The following LINGO2 variants were observed in gnomAD, a reference collection of about 807,000 sequenced individuals.
LINGO2 encodes leucine rich repeat and Ig domain containing 2.
Under a neutral mutation model 30.6 loss-of-function variants are expected in LINGO2, and 14 were observed. The ratio of observed to expected loss-of-function variants is 0.46; its 90% confidence interval spans 0.30 to 0.72. The LOEUF (loss-of-function observed/expected upper bound fraction) is 0.72, where lower values mean the gene tolerates loss of function less well. LINGO2 is among the 30% of genes least tolerant of loss of function. The pLI, the probability that LINGO2 is intolerant of heterozygous loss-of-function variation, is 0.07. For missense variants in LINGO2, 729 were observed against 751.7 expected, an observed-to-expected ratio of 0.97 and a Z score of 0.35; for synonymous variants, 317 against 288.5, an observed-to-expected ratio of 1.10 and a Z score of -1.00.
intron 1 of LINGO2, among the ~76,000 whole-genome samples, chr9:28,548,719 AAAAAAAAAAAAT>A (rs1822093534): frequency 6.6e-6 from 1 of 150,612 alleles, no homozygotes; most frequent in Admixed American, 6.6e-5. Context: ...AAAAAAAAAA[AAAAAAAAAAAAT>A]ATTTGATTCT....
the LINGO2 span, among the ~76,000 whole-genome samples, chr9:29,111,079 C>A: frequency 6.6e-6 from 1 of 152,230 alleles, no homozygotes; most frequent in East Asian, 1.9e-4. Context: ...AAAAGGGGTC[C>A]TATTTAAAGG....
At chr9:29,190,720 A>T in the LINGO2 span, among the ~76,000 whole-genome samples, 1 of 152,188 alleles carries the variant, frequency 6.6e-6, no homozygotes, top group South Asian at 2.1e-4. Flanking sequence ...TTATTTAAAA[A>T]ATTATATTTG....
chr9:28,094,468 T>C (rs1826185742), intron 4 of LINGO2, among the ~76,000 whole-genome samples: 1 of 151,854 alleles, frequency 6.6e-6, no homozygotes, highest in Non-Finnish European at 1.5e-5. Context: ...AAAAATCTGT[T>C]GAGCTGTATT....
At chr9:27,972,020 T>G (rs879366283) in intron 5 of LINGO2, among the ~76,000 whole-genome samples, 4 of 152,204 alleles carry the variant, frequency 2.6e-5, no homozygotes, top group African/African-American at 4.8e-5. Flanking sequence ...TTTGTTTATA[T>G]TTTTCTTCTT....
At chr9:28,978,151 G>A in the LINGO2 span, among the ~76,000 whole-genome samples, 1 of 152,078 alleles carries the variant, frequency 6.6e-6, no homozygotes, top group Non-Finnish European at 1.5e-5. Flanking sequence ...TCTCTTTGGG[G>A]AATTGGAAAT....
chr9:27,939,873 G>A, the LINGO2 span: 1 of 152,134 alleles, frequency 6.6e-6, no homozygotes, highest in Non-Finnish European at 1.5e-5. Flanking sequence ...GCCTTAGATG[G>A]GGATCTGGTA....
the LINGO2 span, among the ~76,000 whole-genome samples, chr9:28,806,056 G>A: frequency 6.6e-6 from 1 of 151,034 alleles, no homozygotes; most frequent in South Asian, 2.1e-4. Context: ...CTTTTGGAAT[G>A]ATGAGATTTT....
At chr9:27,993,159 T>C (rs1821482727) in intron 5 of LINGO2, among the ~76,000 whole-genome samples, 1 of 152,130 alleles carries the variant, frequency 6.6e-6, no homozygotes, top group Non-Finnish European at 1.5e-5. Context: ...AGCATTCAAA[T>C]TGCAGTTGAA....
In LINGO2 at chr9:28,329,662, T is replaced by A. The variant is rs1825351875; in HGVS notation, c.-245-34296A>T. On this transcript the variant is annotated intron_variant, in intron 3 of 5. Transcript: ENST00000379992. The surrounding 1 kb of genome is among the most constrained non-coding windows in gnomAD (Gnocchi z 4.5). ...AATAGTTTCCTTCCCACTCTCCCCT[T>A]CTTTCACTCATTTACCACTGCAACT... Among the ~76,000 whole-genome samples the A allele has an allele frequency of 6.6e-6, 1 of 152,066 alleles. No homozygotes were observed. The highest frequency in any genetic ancestry group is 2.4e-5 in the African/African-American group (1 of 41,430).
At chr9:28,632,752 C>CTA (rs1450820099) in intron 1 of LINGO2, among the ~76,000 whole-genome samples, 22 of 106,924 alleles carry the variant, frequency 2.1e-4, no homozygotes, top group Admixed American at 1.2e-3. Context: ...ATATATAGAT[C>CTA]TATATATATA....
intron 1 of LINGO2, among the ~76,000 whole-genome samples, chr9:28,595,976 T>C (rs1266857560): frequency 6.6e-6 from 1 of 152,194 alleles, no homozygotes; most frequent in Non-Finnish European, 1.5e-5. Flanking sequence ...TGTATCTTTT[T>C]GTGTATCATT....
At chr9:28,268,559 A>G (rs1049341981) in intron 4 of LINGO2, among the ~76,000 whole-genome samples, 2 of 152,148 alleles carry the variant, frequency 1.3e-5, no homozygotes, top group African/African-American at 2.4e-5. Context: ...AGTCCATTTG[A>G]GTATAAGACA....
At chr9:28,188,450 G>A (rs1350249684) in intron 4 of LINGO2, among the ~76,000 whole-genome samples, 1 of 151,928 alleles carries the variant, frequency 6.6e-6, no homozygotes, top group Non-Finnish European at 1.5e-5. Flanking sequence ...CCACCTGCAC[G>A]GCAATTACAA....
At chr9:28,453,340 A>C (rs1824722237) in intron 2 of LINGO2, among the ~76,000 whole-genome samples, 1 of 151,900 alleles carries the variant, frequency 6.6e-6, no homozygotes, top group Non-Finnish European at 1.5e-5. Flanking sequence ...ATGCTCGGTT[A>C]ATTTTTTTGG....
intron 4 of LINGO2, among the ~76,000 whole-genome samples, chr9:28,230,020 A>T (rs1821302764): frequency 6.6e-6 from 1 of 151,872 alleles, no homozygotes. Flanking sequence ...CTTCTCAGTT[A>T]TCTTTATTTT....
chr9:28,437,604 CAT>C (rs1824005881), intron 2 of LINGO2, among the ~76,000 whole-genome samples: 1 of 151,598 alleles, frequency 6.6e-6, no homozygotes, highest in Non-Finnish European at 1.5e-5. Context: ...CACACACACA[CAT>C]ACAGATCACT....
At chr9:28,304,588 T>C (rs1226693363) in intron 3 of LINGO2, among the ~76,000 whole-genome samples, 3 of 152,026 alleles carry the variant, frequency 2.0e-5, no homozygotes, top group Non-Finnish European at 4.4e-5. Context: ...ATTCTGGTTT[T>C]AAAAGATTTG....
intron 1 of LINGO2, among the ~76,000 whole-genome samples, chr9:28,628,550 T>C (rs1364354561): frequency 1.3e-5 from 2 of 152,130 alleles, no homozygotes; most frequent in African/African-American, 4.8e-5. Context: ...TAACTGATTT[T>C]CCAAGGCTTT....
In LINGO2 at chr9:28,192,714, T is replaced by C. The variant is rs569255116; in HGVS notation, c.-87+102494A>G. ...TTTATCACTACATGTTTAGACACTTTATGCAAAATGCTGGTTTTATTTCTG... is the reference window on the plus strand; with the variant it reads ...TTTATCACTACATGTTTAGACACTTCATGCAAAATGCTGGTTTTATTTCTG... On this transcript the variant is annotated intron_variant, in intron 4 of 5. Transcript: ENST00000379992. 7.2e-5 allele frequency among the ~76,000 whole-genome samples: 11 copies of C among 152,338 alleles called. No individual in the cohort carries two copies. The South Asian group carries it at 2.1e-3, about 29-fold the overall frequency.
Sources: allele counts gnomAD v4.1 joint callset (sites outside exome capture counted in the v4.1 genomes callset), GRCh38; gene constraint gnomAD v4.1.1; non-coding constraint Gnocchi (gnomAD v3.1); transcripts MANE v1.5; gene names NCBI Gene and HGNC (gene_info 2026-07-23, HGNC 2026-07-21).